TENM4: variants seen among roughly 807,000 people sequenced by gnomAD.
TENM4 encodes the protein teneurin-4.
Under a neutral mutation model 243.3 loss-of-function variants are expected in TENM4, and 82 were observed. The observed-to-expected ratio is 0.34, with a 90% CI of 0.28 to 0.40. The LOEUF (loss-of-function observed/expected upper bound fraction) is 0.40. Among genes scored for constraint, TENM4 ranks in the 10% least tolerant of loss-of-function variants. TENM4 has a pLI of 1.00. For synonymous variants in TENM4, 1,412 were observed against 1,456.3 expected (o/e 0.97, Z 0.69); for missense variants, 3,138 against 3,673.3 (o/e 0.85, Z 3.77).
chr11:79,148,153 G>A (rs1269130160), intron 4 of TENM4, among the ~76,000 whole-genome samples: 3 of 152,120 alleles, frequency 2.0e-5, no homozygotes, highest in African/African-American at 7.2e-5. Flanking sequence ...TGTATTCCAA[G>A]TGACCAGGGT....
At chr11:79,316,092 G>A (rs1856798431) in intron 1 of TENM4, among the ~76,000 whole-genome samples, 1 of 152,158 alleles carries the variant, frequency 6.6e-6, no homozygotes, top group African/African-American at 2.4e-5. Context: ...GGCGCTGCTT[G>A]TTTTTTCCTA....
intron 2 of TENM4, among the ~76,000 whole-genome samples, chr11:79,256,817 G>T (rs954422517): frequency 1.3e-5 from 2 of 152,164 alleles, no homozygotes; most frequent in African/African-American, 2.4e-5. Flanking sequence ...TGGGAATAGG[G>T]CTTGAGAGTG....
Position 79,364,533 on chromosome 11 carries a change from G to A in TENM4, c.-320-66990C>T, listed in dbSNP as rs141850810. 1.9e-3 allele frequency among the ~76,000 whole-genome samples: 283 copies of A among 152,246 alleles called. 5 individuals carry two copies. The highest frequency in any genetic ancestry group is 0.014 in the Admixed American group (214 of 15,300). On this transcript the variant is annotated intron_variant, in intron 1 of 33. Transcript: ENST00000278550. ...AAAGCTATGGTAAAAATCTGAATGAGGCCAATTTATTAGTGGGCAATGAAA... is the reference window on the plus strand; with the variant it reads ...AAAGCTATGGTAAAAATCTGAATGAAGCCAATTTATTAGTGGGCAATGAAA...
At chr11:79,045,551 A>G (rs1374503009) in intron 6 of TENM4, among the ~76,000 whole-genome samples, 1 of 152,120 alleles carries the variant, frequency 6.6e-6, no homozygotes, top group African/African-American at 2.4e-5. Context: ...CCCCTTACTG[A>G]CAGGTCTGCA....
At chr11:79,414,263 G>A (rs779886655) in intron 1 of TENM4, among the ~76,000 whole-genome samples, 5 of 152,026 alleles carry the variant, frequency 3.3e-5, no homozygotes, top group Non-Finnish European at 7.4e-5. Flanking sequence ...CAGAATAGCT[G>A]GCCTGGAATA....
intron 2 of TENM4, among the ~76,000 whole-genome samples, chr11:79,230,945 A>G (rs867892686): frequency 2.0e-5 from 3 of 152,026 alleles, no homozygotes; most frequent in South Asian, 2.1e-4. Context: ...CTGCACATCC[A>G]CCTTGGATGT....
intron 1 of TENM4, among the ~76,000 whole-genome samples, chr11:79,306,629 G>C (rs921669329): frequency 6.6e-6 from 1 of 152,132 alleles, no homozygotes; most frequent in African/African-American, 2.4e-5. Flanking sequence ...TTTTCATTCA[G>C]TACCAACTAT....
chr11:79,407,052 G>A (rs1858589827), intron 1 of TENM4, among the ~76,000 whole-genome samples: 1 of 152,106 alleles, frequency 6.6e-6, no homozygotes, highest in Non-Finnish European at 1.5e-5. Flanking sequence ...TCAGTGTATG[G>A]GGCCAATATT....
chr11:79,261,598 C>A (rs1274648794), intron 2 of TENM4, among the ~76,000 whole-genome samples: 1 of 152,164 alleles, frequency 6.6e-6, no homozygotes, highest in African/African-American at 2.4e-5. Flanking sequence ...GCTCTTCCCA[C>A]CTTCCTTGGG....
At chr11:78,984,514 T>C (rs886072315) in intron 6 of TENM4, among the ~76,000 whole-genome samples, 1 of 152,316 alleles carries the variant, frequency 6.6e-6, no homozygotes, top group East Asian at 1.9e-4. Flanking sequence ...TCCGCCCTGT[T>C]ACTCTGCCCA....
intron 6 of TENM4, among the ~76,000 whole-genome samples, chr11:78,994,924 G>C (rs986600521): frequency 6.6e-6 from 1 of 152,292 alleles, no homozygotes; most frequent in African/African-American, 2.4e-5. Context: ...CAAGAAGTTG[G>C]TATTACAAAG....
intron 3 of TENM4, among the ~76,000 whole-genome samples, chr11:79,172,222 G>A (rs1354174933): frequency 6.6e-6 from 1 of 152,018 alleles, no homozygotes; most frequent in Non-Finnish European, 1.5e-5. Flanking sequence ...CAAAATGCTG[G>A]GATCACAGGC....
chr11:79,077,322 G>A (rs1420312039), intron 4 of TENM4, among the ~76,000 whole-genome samples: 1 of 152,178 alleles, frequency 6.6e-6, no homozygotes, highest in African/African-American at 2.4e-5. Flanking sequence ...GTGGGTCAAA[G>A]GTGGAGAGAC....
At chr11:78,776,091 T>G (rs889882529) in intron 17 of TENM4, among the ~76,000 whole-genome samples, 2 of 152,324 alleles carry the variant, frequency 1.3e-5, no homozygotes, top group South Asian at 4.2e-4. Context: ...GACAAAGCCA[T>G]CATCATCTCT....
chr11:79,011,760 G>A (rs942884056), intron 6 of TENM4, among the ~76,000 whole-genome samples: 10 of 152,170 alleles, frequency 6.6e-5, no homozygotes, highest in African/African-American at 2.2e-4. Context: ...TAATTTAGAG[G>A]AATATTACAA....
intron 3 of TENM4, among the ~76,000 whole-genome samples, chr11:79,201,063 C>T (rs773099933): frequency 6.6e-5 from 10 of 152,282 alleles, no homozygotes; most frequent in South Asian, 4.1e-4. Context: ...ACTGGTACAG[C>T]GGGGCCCATC....
chr11:79,046,508 T>C (rs1859664198), intron 6 of TENM4, among the ~76,000 whole-genome samples: 1 of 152,066 alleles, frequency 6.6e-6, no homozygotes, highest in Non-Finnish European at 1.5e-5. Context: ...GTGACCTTAT[T>C]TGGAAATAGA....
chr11:79,124,887 A>ATGTG (rs750326710), intron 4 of TENM4, among the ~76,000 whole-genome samples: 974 of 74,382 alleles, frequency 0.013, 9 homozygotes, highest in African/African-American at 0.041. Flanking sequence ...ATATATGTAT[A>ATGTG]TGTATATGTG....
intron 4 of TENM4, among the ~76,000 whole-genome samples, chr11:79,139,863 A>G (rs968012681): frequency 1.5e-5 from 2 of 136,694 alleles, no homozygotes; most frequent in African/African-American, 5.5e-5. Flanking sequence ...TGTATTTTCC[A>G]TTAGTTCTGT....
Sources: gnomAD v4.1 joint callset for allele counts (sites outside exome capture counted in the v4.1 genomes callset) on GRCh38, gnomAD v4.1.1 for gene constraint, MANE v1.5 for transcripts, NCBI Gene and HGNC (gene_info 2026-07-23, HGNC 2026-07-21) for gene names.